Variants in SLC9A9 observed in about 807,000 individuals in gnomAD.
SLC9A9 encodes the protein sodium/hydrogen exchanger 9.
Under a neutral mutation model 77.8 loss-of-function variants are expected in SLC9A9, and 62 were observed. That is an observed-to-expected ratio of 0.80 (90% CI 0.65 to 0.98). SLC9A9 has a LOEUF of 0.98. Among genes scored for constraint, SLC9A9 ranks in the 50% least tolerant of loss-of-function variants. The pLI is 0.00. For synonymous variants in SLC9A9, 320 were observed against 283.5 expected (o/e 1.13, Z -1.29); for missense variants, 775 against 774.9 (o/e 1.00, Z 0.00).
At chr3:143,464,048 G>GA (rs1052013941) in intron 12 of SLC9A9, among the ~76,000 whole-genome samples, 1 of 152,032 alleles carries the variant, frequency 6.6e-6, no homozygotes. Context: ...TAATTTCAGA[G>GA]AAAAAAATAT....
intron 8 of SLC9A9, among the ~76,000 whole-genome samples, chr3:143,569,840 G>C (rs1355298714): frequency 1.3e-5 from 2 of 148,270 alleles, no homozygotes; most frequent in African/African-American, 5.0e-5. Flanking sequence ...TGGAGACAGG[G>C]TATCTCTTTG....
chr3:143,786,550 T>C (rs2008064178), intron 4 of SLC9A9, among the ~76,000 whole-genome samples: 1 of 152,200 alleles, frequency 6.6e-6, no homozygotes, highest in African/African-American at 2.4e-5. Context: ...TCCACAGTCC[T>C]CTCCATTCTA....
chr3:143,845,652 T>C (rs2009816647), intron 1 of SLC9A9, among the ~76,000 whole-genome samples: 1 of 152,154 alleles, frequency 6.6e-6, no homozygotes, highest in Admixed American at 6.5e-5. Context: ...TCTGCCTCTC[T>C]AAAATAAAGG....
At chr3:143,600,115 G>C (rs1225070722) in intron 6 of SLC9A9, among the ~76,000 whole-genome samples, 4 of 151,944 alleles carry the variant, frequency 2.6e-5, no homozygotes, top group Non-Finnish European at 5.9e-5. Context: ...GTGACATGGT[G>C]GTTTGCTGCA....
intron 4 of SLC9A9, among the ~76,000 whole-genome samples, chr3:143,738,032 T>C (rs181632588): frequency 7.9e-4 from 121 of 152,368 alleles, no homozygotes; most frequent in Non-Finnish European, 1.3e-3. Flanking sequence ...TTTTGGTGCA[T>C]TTCCCTTTAT....
chr3:143,651,096 T>C (rs1228319602), intron 6 of SLC9A9, among the ~76,000 whole-genome samples: 1 of 152,222 alleles, frequency 6.6e-6, no homozygotes, highest in Non-Finnish European at 1.5e-5. Context: ...AGAGTTTTAC[T>C]CCAAATGTTC....
At chr3:143,627,446 T>A in intron 6 of SLC9A9, 1 of 223,224 alleles carries the variant, frequency 4.5e-6, no homozygotes, top group Admixed American at 4.2e-5. Context: ...GTTATGAATG[T>A]CAGCTCCGTT....
chr3:143,560,850 A>G (rs1294855917), intron 8 of SLC9A9, among the ~76,000 whole-genome samples: 1 of 152,246 alleles, frequency 6.6e-6, no homozygotes, highest in Non-Finnish European at 1.5e-5. Flanking sequence ...AAATAAATGT[A>G]TCCACTGGAG....
intron 8 of SLC9A9, among the ~76,000 whole-genome samples, chr3:143,573,454 G>A (rs1405536557): frequency 1.3e-5 from 2 of 152,100 alleles, no homozygotes; most frequent in East Asian, 3.9e-4. Flanking sequence ...CATGGTTGCA[G>A]AAAGGCAACC....
intron 13 of SLC9A9, among the ~76,000 whole-genome samples, chr3:143,378,117 C>A (rs1002385524): frequency 2.6e-5 from 4 of 152,204 alleles, no homozygotes; most frequent in African/African-American, 7.2e-5. Flanking sequence ...TGTGATCATG[C>A]TTTGAATGTA....
intron 14 of SLC9A9, among the ~76,000 whole-genome samples, chr3:143,299,993 C>T (rs1404140591): frequency 2.6e-5 from 4 of 152,174 alleles, no homozygotes; most frequent in African/African-American, 7.2e-5. Context: ...GAGCAGAGAT[C>T]GCTAATCTTT....
rs563332696 is a variant in SLC9A9 at position 143,666,739 on chromosome 3, A to G, written c.650-14379T>C. On this transcript the variant is annotated intron_variant, in intron 5 of 15. Transcript: ENST00000316549. ...GTGAACTCCCATTCACAACTGCTTC[A>G]AAGACAATAAAATACCTAGGAATCC... Among the ~76,000 whole-genome samples the G allele has an allele frequency of 7.9e-5, 12 of 152,328 alleles. No homozygotes were observed. In the South Asian group the frequency reaches 2.5e-3, roughly 32 times the overall value.
At chr3:143,696,349 T>A (rs1576665555) in intron 4 of SLC9A9, among the ~76,000 whole-genome samples, 1 of 152,182 alleles carries the variant, frequency 6.6e-6, no homozygotes, top group South Asian at 2.1e-4. Flanking sequence ...GATCCCCTAC[T>A]ATGTGTCAGG....
At chr3:143,673,398 G>A (rs80028943) in intron 5 of SLC9A9, among the ~76,000 whole-genome samples, 1,776 of 152,220 alleles carry the variant, frequency 0.012, 35 homozygotes, top group African/African-American at 0.041. Flanking sequence ...CGAATTACCT[G>A]CAATAAGGTA....
Position 143,655,736 on chromosome 3 carries a change from G to A in SLC9A9, c.650-3376C>T, listed in dbSNP as rs1453677664. 5.6e-6 allele frequency: 4 copies of A among 717,738 alleles called. No homozygotes were observed. In the African/African-American group the frequency reaches 7.8e-5, roughly 14 times the overall value. 44.5% of individuals were successfully genotyped at this position (717,738 alleles called of 1,614,324 possible). ...CAAACACACCCCTACCTCTAGGTAA[G>A]CATAATAGAGGAATGTGATAACTGA... On this transcript the variant is annotated intron_variant, in intron 5 of 15. Transcript: ENST00000316549.
chr3:143,277,223 C>A (rs1264802904), intron 14 of SLC9A9, among the ~76,000 whole-genome samples: 2 of 152,172 alleles, frequency 1.3e-5, no homozygotes, highest in Non-Finnish European at 2.9e-5. Flanking sequence ...CTGGAGGAAA[C>A]CTGAGAGTTC....
chr3:143,762,241 A>G (rs2007155536), intron 4 of SLC9A9, among the ~76,000 whole-genome samples: 1 of 152,152 alleles, frequency 6.6e-6, no homozygotes, highest in Non-Finnish European at 1.5e-5. Context: ...ACCTAATGTA[A>G]ATGACGAGTT....
chr3:143,379,524 C>T (rs1447136013), intron 13 of SLC9A9, among the ~76,000 whole-genome samples: 1 of 152,180 alleles, frequency 6.6e-6, no homozygotes, highest in African/African-American at 2.4e-5. Flanking sequence ...AATAAGAACA[C>T]TTACAGTATA....
intron 5 of SLC9A9, among the ~76,000 whole-genome samples, chr3:143,675,579 A>T (rs993893005): frequency 1.3e-5 from 2 of 152,214 alleles, no homozygotes; most frequent in Non-Finnish European, 2.9e-5. Context: ...GAGATGTGTG[A>T]CTTACATGTA....
Sources: gnomAD v4.1 joint callset for allele counts (sites outside exome capture counted in the v4.1 genomes callset) on GRCh38, gnomAD v4.1.1 for gene constraint, MANE v1.5 for transcripts, NCBI Gene and HGNC (gene_info 2026-07-23, HGNC 2026-07-21) for gene names.